Variants in PDE8B observed in about 807,000 individuals in gnomAD.
PDE8B encodes the protein phosphodiesterase 8B.
In PDE8B, 26 loss-of-function variants were observed where a neutral mutation model predicts 101.3. The ratio of observed to expected loss-of-function variants is 0.26; its 90% CI spans 0.19 to 0.36. The LOEUF (loss-of-function observed/expected upper bound fraction) is 0.36, where lower values mean the gene tolerates loss of function less well. PDE8B is among the 10% of genes least tolerant of loss of function. PDE8B has a pLI of 1.00. For missense variants in PDE8B, 810 were observed against 1,163.1 expected (o/e 0.70, Z 4.42); for synonymous variants, 424 against 429.3 (o/e 0.99, Z 0.15).
chr5:77,261,847 A>T (rs1015645997), intron 1 of PDE8B, among the ~76,000 whole-genome samples: 1 of 152,162 alleles, frequency 6.6e-6, no homozygotes, highest in Non-Finnish European at 1.5e-5. Flanking sequence ...CAGCAAAGGG[A>T]TTTTCCATGT....
chr5:77,273,340 CTATTA>C (rs954815980), intron 1 of PDE8B, among the ~76,000 whole-genome samples: 4 of 152,082 alleles, frequency 2.6e-5, no homozygotes, highest in Non-Finnish European at 5.9e-5. Context: ...AGGTAATAGC[CTATTA>C]TATTATTTTT....
intron 1 of PDE8B, chr5:77,290,342 C>T (rs971619716): frequency 2.7e-5 from 39 of 1,456,510 alleles, no homozygotes; most frequent in African/African-American, 8.4e-5. Context: ...AAAATGAGGG[C>T]GTGTATAATG....
At chr5:77,207,003 C>A (rs1401304557), upstream of PDE8B, among the ~76,000 whole-genome samples, 1 of 152,172 alleles carries the variant, frequency 6.6e-6, no homozygotes, top group African/African-American at 2.4e-5. Context: ...GTTACACAGC[C>A]ACAAGAGGCA....
intron 1 of PDE8B, among the ~76,000 whole-genome samples, chr5:77,244,436 C>A (rs1356651664): frequency 1.3e-5 from 2 of 152,084 alleles, no homozygotes; most frequent in African/African-American, 4.8e-5. Flanking sequence ...TGATCTGGGT[C>A]TAGGAAACCA....
chr5:77,209,378 C>T (rs1209922263), upstream of PDE8B, among the ~76,000 whole-genome samples: 1 of 151,738 alleles, frequency 6.6e-6, no homozygotes, highest in African/African-American at 2.4e-5. Flanking sequence ...GAAAAAAAAA[C>T]AAAAAACAAA....
Position 77,427,297 on chromosome 5 carries a change from C to T in PDE8B, c.*743C>T, listed in dbSNP as rs562738060. On this transcript the variant is annotated 3_prime_UTR_variant, in exon 22 of 22. Transcript: ENST00000264917. ...AAGTGGCATTTCATTTTTGGGGAAT[C>T]CATGAGCTTCCTTTATTTCTGGCTC... 6.6e-6 allele frequency: 1 copy of T among 152,210 alleles called. No individual in the cohort carries two copies. Among genetic ancestry groups the T allele is most frequent in the African/African-American group, 2.4e-5 (1 of 41,290 alleles). 9.4% of individuals were successfully genotyped at this position (152,210 alleles called of 1,614,324 possible). A position where few individuals can be genotyped will look rare whatever the true frequency, so the allele number is the denominator to read the frequency against.
At chr5:77,252,946 C>T (rs1169414159) in intron 1 of PDE8B, among the ~76,000 whole-genome samples, 1 of 152,134 alleles carries the variant, frequency 6.6e-6, no homozygotes, top group Non-Finnish European at 1.5e-5. Context: ...GCAATTATGA[C>T]ATCACATTTT....
chr5:77,338,449 T>C (rs1461096539), intron 6 of PDE8B, among the ~76,000 whole-genome samples: 1 of 152,144 alleles, frequency 6.6e-6, no homozygotes, highest in African/African-American at 2.4e-5. Flanking sequence ...AAAAAAAGAA[T>C]CTCAAACCAG....
At chr5:77,386,599 C>T (rs1309735734) in intron 10 of PDE8B, among the ~76,000 whole-genome samples, 1 of 151,996 alleles carries the variant, frequency 6.6e-6, no homozygotes. Flanking sequence ...AGGATTGCAA[C>T]CCCTGGTTTT....
At chr5:77,269,956 GTCT>G (rs1459359034) in intron 1 of PDE8B, among the ~76,000 whole-genome samples, 1 of 152,054 alleles carries the variant, frequency 6.6e-6, no homozygotes, top group African/African-American at 2.4e-5. Flanking sequence ...GCTATTCTGG[GTCT>G]TTTGTGATTC....
intron 1 of PDE8B, among the ~76,000 whole-genome samples, chr5:77,309,943 C>CCCTTTTTT (rs1772186202): frequency 8.8e-6 from 1 of 114,152 alleles, no homozygotes; most frequent in African/African-American, 3.3e-5. Flanking sequence ...AATCATTAAT[C>CCCTTTTTT]TTTTTTTTTT....
chr5:77,179,750 T>C, the PDE8B span, among the ~76,000 whole-genome samples: 1 of 152,100 alleles, frequency 6.6e-6, no homozygotes, highest in East Asian at 1.9e-4. Flanking sequence ...TTCTCAAGGT[T>C]TTTTCTCCTT....
chr5:77,273,905 C>G (rs2149794028), intron 1 of PDE8B, among the ~76,000 whole-genome samples: 1 of 151,840 alleles, frequency 6.6e-6, no homozygotes, highest in Admixed American at 6.6e-5. Context: ...TCACTGCAAC[C>G]TCCGCCTCTT....
At chr5:77,412,418 T>C (rs1449388894) in intron 16 of PDE8B, among the ~76,000 whole-genome samples, 183 bp downstream of exon 16, 2 of 152,188 alleles carry the variant, frequency 1.3e-5, no homozygotes, top group Non-Finnish European at 2.9e-5. Context: ...AGATCCTTTG[T>C]GGAGAGTATT....
At chr5:77,328,617 A>C (rs964532676) in intron 3 of PDE8B, among the ~76,000 whole-genome samples, 3 of 152,222 alleles carry the variant, frequency 2.0e-5, no homozygotes. Context: ...AAAAAAGATC[A>C]AACCCAGTGA....
chr5:77,088,078 C>T, the PDE8B span: 1 of 152,260 alleles, frequency 6.6e-6, no homozygotes. Flanking sequence ...GGAGAGTTCC[C>T]TGATTTCCTC....
chr5:77,144,059 A>G, the PDE8B span: 2 of 152,172 alleles, frequency 1.3e-5, no homozygotes, highest in African/African-American at 2.4e-5. Flanking sequence ...AGACATGAGA[A>G]ATCTCAGCCT....
At chr5:77,134,888 A>C in the PDE8B span, among the ~76,000 whole-genome samples, 1 of 152,160 alleles carries the variant, frequency 6.6e-6, no homozygotes, top group Non-Finnish European at 1.5e-5. Flanking sequence ...GGCCCACAGG[A>C]GCCATGGGGA....
the PDE8B span, among the ~76,000 whole-genome samples, chr5:77,104,344 C>T: frequency 5.3e-5 from 8 of 152,150 alleles, no homozygotes; most frequent in African/African-American, 1.7e-4. Context: ...TGAATGTTTG[C>T]GTCTATTCAA....
Sources: gnomAD v4.1 joint callset for allele counts (sites outside exome capture counted in the v4.1 genomes callset) on GRCh38, gnomAD v4.1.1 for gene constraint, MANE v1.5 for transcripts, NCBI Gene and HGNC (gene_info 2026-07-23, HGNC 2026-07-21) for gene names.